CTNNA3: variants seen among roughly 807,000 people sequenced by gnomAD.
CTNNA3 encodes the protein catenin alpha-3.
CTNNA3 carries 76 observed loss-of-function variants against 95.7 expected under a neutral mutation model. The observed-to-expected ratio is 0.79, with a 90% CI of 0.66 to 0.96. The LOEUF is 0.96. Ranked by LOEUF, CTNNA3 falls within the 40% of genes least tolerant of loss-of-function variation. The pLI is 0.00. For synonymous variants in CTNNA3, 431 were observed against 374.4 expected, an observed-to-expected ratio of 1.15 and a Z score of -1.74; for missense variants, 1,191 against 1,089.8, an observed-to-expected ratio of 1.09 and a Z score of -1.31.
chr10:67,726,232 ATATAT>A (rs1040877533), intron 1 of CTNNA3, among the ~76,000 whole-genome samples: 18 of 92,636 alleles, frequency 1.9e-4, no homozygotes, highest in African/African-American at 8.3e-4. Context: ...ATCATACATT[ATATAT>A]TATATATTAT....
At chr10:67,030,585 AT>A (rs143659283) in intron 7 of CTNNA3, among the ~76,000 whole-genome samples, 1,845 of 152,202 alleles carry the variant, frequency 0.012, 48 homozygotes, top group African/African-American at 0.042. Context: ...TTTTATGAAG[AT>A]AAATATCTGA....
intron 7 of CTNNA3, among the ~76,000 whole-genome samples, chr10:67,001,357 T>C (rs1851681856): frequency 7.0e-6 from 1 of 143,576 alleles, no homozygotes; most frequent in Non-Finnish European, 1.5e-5. Context: ...AATAAAATCA[T>C]AAAATCTGGG....
At chr10:67,605,047 GAA>G (rs1843216181) in intron 3 of CTNNA3, among the ~76,000 whole-genome samples, 1 of 152,066 alleles carries the variant, frequency 6.6e-6, no homozygotes, top group African/African-American at 2.4e-5. Context: ...GTATAACACT[GAA>G]GTAAAGGAAA....
At position 66,928,087 on chromosome 10, in the gene CTNNA3, A is replaced by G. The variant is rs1486177031; in HGVS notation, c.1048-152563T>C. ...CAAGCTCCCCAGGCCGAAGCATGAG[A>G]GCAAACCCCCTTTGCCCCCGACGGT... is the stretch of plus-strand genomic sequence containing the variant. On this transcript the variant is annotated intron_variant, in intron 7 of 17. Coordinates refer to ENST00000433211, the MANE Select transcript of CTNNA3 (RefSeq NM_013266.4). 3 of 1,614,082 alleles carry G rather than the reference A, an allele frequency of 1.9e-6. No homozygotes were observed. Among genetic ancestry groups the G allele is most frequent in the Non-Finnish European group, 2.5e-6 (3 of 1,180,034 alleles).
chr10:67,452,812 T>C (rs1192594792), intron 5 of CTNNA3, among the ~76,000 whole-genome samples: 2 of 152,210 alleles, frequency 1.3e-5, no homozygotes, highest in South Asian at 2.1e-4. Flanking sequence ...TAATGTGTTG[T>C]TAAAATTGTC....
intron 5 of CTNNA3, among the ~76,000 whole-genome samples, chr10:67,234,104 T>A (rs1015077961): frequency 2.0e-5 from 3 of 152,182 alleles, no homozygotes; most frequent in African/African-American, 7.2e-5. Context: ...ACTGGTACCA[T>A]TCCTTCTGAA....
chr10:65,956,627 G>A (rs2077737147), intron 17 of CTNNA3, among the ~76,000 whole-genome samples: 1 of 152,108 alleles, frequency 6.6e-6, no homozygotes, highest in Admixed American at 6.5e-5. Flanking sequence ...CTTTATTTCT[G>A]CCTTCATTTT....
chr10:67,380,036 A>C (rs1440822205), intron 5 of CTNNA3, among the ~76,000 whole-genome samples: 2 of 151,584 alleles, frequency 1.3e-5, no homozygotes, highest in Admixed American at 1.3e-4. Context: ...AAAAAAAAAA[A>C]AAAAAAAGAA....
At chr10:67,426,837 G>A (rs1232440215) in intron 5 of CTNNA3, among the ~76,000 whole-genome samples, 1 of 151,544 alleles carries the variant, frequency 6.6e-6, no homozygotes, top group East Asian at 1.9e-4. Flanking sequence ...TTAAGTAGTA[G>A]CAACTTGCAA....
chr10:66,199,797 A>ATG (rs2087247602), intron 13 of CTNNA3, among the ~76,000 whole-genome samples: 2 of 16,400 alleles, frequency 1.2e-4, no homozygotes, highest in Non-Finnish European at 2.5e-4. Flanking sequence ...ATATATATAT[A>ATG]TATATATATT....
intron 7 of CTNNA3, among the ~76,000 whole-genome samples, chr10:66,907,848 C>G (rs1327500251): frequency 6.6e-6 from 1 of 152,172 alleles, no homozygotes; most frequent in Non-Finnish European, 1.5e-5. Flanking sequence ...GAAACCCAGA[C>G]TGTCCCTTGT....
intron 6 of CTNNA3, among the ~76,000 whole-genome samples, chr10:67,182,940 G>T (rs1042742804): frequency 2.0e-5 from 3 of 152,156 alleles, no homozygotes; most frequent in South Asian, 2.1e-4. Context: ...ATGAAAAAAT[G>T]CTCATCATCA....
chr10:67,697,880 C>T (rs1840997564), upstream of CTNNA3, among the ~76,000 whole-genome samples: 1 of 152,072 alleles, frequency 6.6e-6, no homozygotes, highest in Non-Finnish European at 1.5e-5. Context: ...GATCACAGGC[C>T]CCATGGTCCT....
At chr10:67,325,566 C>G (rs1841505772) in intron 5 of CTNNA3, among the ~76,000 whole-genome samples, 1 of 152,078 alleles carries the variant, frequency 6.6e-6, no homozygotes, top group African/African-American at 2.4e-5. Context: ...GTCTTGATTT[C>G]TCATTTTATT....
In CTNNA3 at chr10:66,398,119, A is replaced by G. The variant is rs188648882; in HGVS notation, c.1532-18767T>C. On this transcript the variant is annotated intron_variant, in intron 11 of 17. Transcript: ENST00000433211. The stretch of plus-strand genomic sequence containing the variant: ...CAAATATTATTTTATCACATGGCTT[A>G]TTGTTTATATTCTCTTTCTTTTCTT... Among the ~76,000 whole-genome samples the G allele has an allele frequency of 7.9e-5, 12 of 151,948 alleles. No individual in the cohort carries two copies. The East Asian group carries it at 1.9e-3, about 25-fold the overall frequency.
At chr10:67,342,391 C>T (rs1173839546) in intron 5 of CTNNA3, among the ~76,000 whole-genome samples, 5 of 152,168 alleles carry the variant, frequency 3.3e-5, no homozygotes, top group East Asian at 3.9e-4. Context: ...CGTGAGCCAC[C>T]GCACCCGGCC....
intron 3 of CTNNA3, among the ~76,000 whole-genome samples, chr10:67,544,683 G>C (rs1367325039): frequency 6.6e-6 from 1 of 152,158 alleles, no homozygotes; most frequent in Non-Finnish European, 1.5e-5. Flanking sequence ...AACTGTACTT[G>C]CCACTCACAC....
intron 1 of CTNNA3, among the ~76,000 whole-genome samples, chr10:67,726,421 A>AT (rs1564841118): frequency 1.8e-3 from 73 of 40,884 alleles, no homozygotes; most frequent in African/African-American, 9.3e-3. Flanking sequence ...ATATAATATT[A>AT]TATATTATAT....
rs1161165672 is a variant in CTNNA3 at position 66,671,465 on chromosome 10, C to A, written c.1282-49681G>T. On this transcript the variant is annotated intron_variant, in intron 9 of 17. Transcript: ENST00000433211. ...TACTCAGTTAAATTAAAAAATAATTCTAATGCTCCAAATTCTTGCTGTGAA... is the reference window on the plus strand; with the variant it reads ...TACTCAGTTAAATTAAAAAATAATTATAATGCTCCAAATTCTTGCTGTGAA... Among the ~76,000 whole-genome samples, 2 of 152,044 alleles carry A rather than the reference C, an allele frequency of 1.3e-5. 1 individual carries two copies. Among genetic ancestry groups the A allele is most frequent in the Admixed American group, 1.3e-4 (2 of 15,242 alleles).
Sources: gnomAD v4.1 joint callset for allele counts (sites outside exome capture counted in the v4.1 genomes callset) on GRCh38, gnomAD v4.1.1 for gene constraint, MANE v1.5 for transcripts, NCBI Gene and HGNC (gene_info 2026-07-23, HGNC 2026-07-21) for gene names.